Variants in ANKMY2 observed in about 807,000 individuals in gnomAD.
The protein encoded by ANKMY2 is ankyrin repeat and MYND domain containing 2, also known as ankyrin repeat and MYND domain-containing protein 2.
ANKMY2 carries 36 observed loss-of-function variants against 50.4 expected under a neutral mutation model. The ratio of observed to expected loss-of-function variants is 0.71; its 90% CI spans 0.55 to 0.94. The LOEUF is 0.94. Among genes scored for constraint, ANKMY2 ranks in the 40% least tolerant of loss-of-function variants. The pLI, the probability that ANKMY2 is intolerant of heterozygous loss-of-function variation, is 0.00. For synonymous variants in ANKMY2, 187 were observed against 178.8 expected, an observed-to-expected ratio of 1.05 and a Z score of -0.36; for missense variants, 565 against 524.0, an observed-to-expected ratio of 1.08 and a Z score of -0.76.
chr7:16,645,467 C>T (rs547048480), intron 1 of ANKMY2, 40 bp downstream of exon 1: 1 of 1,575,782 alleles, frequency 6.3e-7, no homozygotes, highest in African/African-American at 1.4e-5. Context: ...CGCCCCCCGG[C>T]CAGGCTGGCC....
chr7:16,641,737 A>G (rs1207000121), intron 1 of ANKMY2, among the ~76,000 whole-genome samples: 1 of 152,250 alleles, frequency 6.6e-6, no homozygotes, highest in Non-Finnish European at 1.5e-5. Flanking sequence ...ATTGGTACAC[A>G]TAATAAATAT....
rs1047249816 is a variant in ANKMY2, at chr7:16,599,880, T to A, written c.*881A>T. 7 of 152,286 alleles carry A rather than the reference T, an allele frequency of 4.6e-5. No homozygotes were observed. Among genetic ancestry groups the A allele is most frequent in the African/African-American group, 1.7e-4 (7 of 41,568 alleles). The allele number at this position is 152,286 out of a possible 1,614,324, so 9.4% of individuals were successfully genotyped here. ...ATTCTAGCTCTGTTTAAATACCACA[T>A]ATGCTAAAAACCGACGCCAGGACAT... is the stretch of plus-strand genomic sequence containing the variant. On this transcript the variant is annotated 3_prime_UTR_variant, in exon 10 of 10. Transcript: ENST00000306999.
intron 8 of ANKMY2, among the ~76,000 whole-genome samples, chr7:16,603,347 A>G (rs1781101495): frequency 6.6e-6 from 1 of 152,188 alleles, no homozygotes; most frequent in Non-Finnish European, 1.5e-5. Context: ...GGAAGCAGCA[A>G]CTCACTCTAG....
chr7:16,605,692 T>G lies in ANKMY2; in HGVS notation c.883-843A>C, dbSNP rs1212981973. Among the ~76,000 whole-genome samples the G allele has an allele frequency of 2.1e-5, 3 of 142,066 alleles. 1 individual carries two copies. Among genetic ancestry groups the G allele is most frequent in the Admixed American group, 2.1e-4 (3 of 14,284 alleles). 93.2% of individuals were successfully genotyped at this position (142,066 alleles called of 152,430 possible). A position where few individuals can be genotyped will look rare whatever the true frequency, so the allele number is the denominator to read the frequency against. On this transcript the variant is annotated intron_variant, in intron 7 of 9. Transcript: ENST00000306999. ...TTTTGTACTTTTTTTTTTTTTTTTT[T>G]TTTTTTTTGAGACGGAGCCTCGCTC...
At chr7:16,618,451 G>T (rs781544707) in intron 4 of ANKMY2, among the ~76,000 whole-genome samples, 14 of 152,114 alleles carry the variant, frequency 9.2e-5, no homozygotes, top group Non-Finnish European at 1.3e-4. Flanking sequence ...AATAGATGGA[G>T]AATTAAACAA....
chr7:16,606,824 A>T (rs1781168451), intron 7 of ANKMY2, among the ~76,000 whole-genome samples: 1 of 152,256 alleles, frequency 6.6e-6, no homozygotes, highest in Non-Finnish European at 1.5e-5. Flanking sequence ...CTTCTTGAAT[A>T]CAAATAATAA....
intron 1 of ANKMY2, among the ~76,000 whole-genome samples, chr7:16,643,126 G>A (rs1039345205): frequency 6.6e-6 from 1 of 152,028 alleles, no homozygotes; most frequent in Non-Finnish European, 1.5e-5. Context: ...TTGTGAGGTG[G>A]GTATTATTAT....
chr7:16,608,769 A>T (rs1308853393), intron 7 of ANKMY2, among the ~76,000 whole-genome samples: 1 of 152,186 alleles, frequency 6.6e-6, no homozygotes, highest in Non-Finnish European at 1.5e-5. Flanking sequence ...TGGGAAGCCG[A>T]GGTGGGTAGA....
chr7:16,618,377 G>A (rs1398734867), intron 4 of ANKMY2, among the ~76,000 whole-genome samples: 6 of 152,014 alleles, frequency 3.9e-5, no homozygotes, highest in Admixed American at 6.6e-5. Flanking sequence ...AGATGAAAGA[G>A]CTAAAGAACA....
chr7:16,601,321 G>A (rs770252218), intron 9 of ANKMY2, among the ~76,000 whole-genome samples: 1 of 152,202 alleles, frequency 6.6e-6, no homozygotes, highest in Non-Finnish European at 1.5e-5. Context: ...TCTATAATAT[G>A]CAGGTAATAA....
intron 5 of ANKMY2, among the ~76,000 whole-genome samples, chr7:16,614,521 G>A (rs982871963): frequency 7.9e-5 from 12 of 152,204 alleles, no homozygotes; most frequent in African/African-American, 2.9e-4. Flanking sequence ...CACACAATGA[G>A]TAAATTTGGT....
intron 1 of ANKMY2, among the ~76,000 whole-genome samples, chr7:16,639,669 C>G (rs1363618000): frequency 6.6e-6 from 1 of 152,064 alleles, no homozygotes; most frequent in Non-Finnish European, 1.5e-5. Flanking sequence ...GTAGTCCCAG[C>G]TACTCAGGAG....
At chr7:16,608,538 G>C (rs1261055945) in intron 7 of ANKMY2, among the ~76,000 whole-genome samples, 1 of 152,148 alleles carries the variant, frequency 6.6e-6, no homozygotes. Flanking sequence ...ACAACCCAGA[G>C]AGAAGGCACA....
chr7:16,615,950 A>G lies in ANKMY2; in HGVS notation c.371-46T>C, dbSNP rs753749936. 4.6e-6 allele frequency: 7 copies of G among 1,536,372 alleles called. No individual in the cohort carries two copies. In the African/African-American group the frequency reaches 8.4e-5, roughly 18 times the overall value. On this transcript the variant is annotated intron_variant, in intron 4 of 9. Transcript: ENST00000306999. ...AAGTTGTAGTTTTAGTATTAAAAAT[A>G]ACACATCTGGTTTTTAAAATTAATT... is the stretch of plus-strand genomic sequence containing the variant.
chr7:16,638,483 G>C (rs1276865696), intron 1 of ANKMY2, among the ~76,000 whole-genome samples: 1 of 152,180 alleles, frequency 6.6e-6, no homozygotes, highest in Non-Finnish European at 1.5e-5. Context: ...TGTGGCACTT[G>C]GCACAGAGAT....
chr7:16,622,744 A>C (rs1363329589), intron 4 of ANKMY2, among the ~76,000 whole-genome samples: 3 of 79,282 alleles, frequency 3.8e-5, no homozygotes, highest in East Asian at 5.5e-4. Flanking sequence ...CATCTCAAAA[A>C]TAAATGAATA....
intron 3 of ANKMY2, among the ~76,000 whole-genome samples, chr7:16,625,981 T>G (rs1781501177): frequency 5.9e-5 from 1 of 16,840 alleles, no homozygotes; most frequent in East Asian, 6.9e-4. Flanking sequence ...TAAGAAGTCT[T>G]TTTTTTTTTT....
intron 1 of ANKMY2, among the ~76,000 whole-genome samples, chr7:16,637,650 A>G (rs1178834649): frequency 6.6e-6 from 1 of 152,222 alleles, no homozygotes; most frequent in Admixed American, 6.5e-5. Flanking sequence ...GTGTGTGAGC[A>G]TGCGAGCCAG....
At chr7:16,608,944 T>C (rs1262940610) in intron 7 of ANKMY2, among the ~76,000 whole-genome samples, 1 of 152,142 alleles carries the variant, frequency 6.6e-6, no homozygotes, top group Non-Finnish European at 1.5e-5. Flanking sequence ...GAGGTTGCAG[T>C]GAGCTGAGAT....
Sources: gnomAD v4.1 joint callset for allele counts (sites outside exome capture counted in the v4.1 genomes callset) on GRCh38, gnomAD v4.1.1 for gene constraint, MANE v1.5 for transcripts, NCBI Gene and HGNC (gene_info 2026-07-23, HGNC 2026-07-21) for gene names.